Variants in DLGAP2 observed in about 807,000 individuals in gnomAD.
DLGAP2 encodes the protein disks large-associated protein 2.
Under a neutral mutation model 100.3 loss-of-function variants are expected in DLGAP2, and 26 were observed. The observed-to-expected ratio is 0.26, with a 90% CI of 0.19 to 0.36. DLGAP2 has a LOEUF of 0.36. Ranked by LOEUF, DLGAP2 falls within the 10% of genes least tolerant of loss-of-function variation. The pLI, the probability that DLGAP2 is intolerant of heterozygous loss-of-function variation, is 1.00. For missense variants in DLGAP2, 1,858 were observed against 1,453.2 expected (o/e 1.28, Z -4.53); for synonymous variants, 886 against 630.1 (o/e 1.41, Z -6.08).
chr8:1,025,887 G>C (rs933047472), intron 2 of DLGAP2, among the ~76,000 whole-genome samples: 1 of 152,152 alleles, frequency 6.6e-6, no homozygotes, highest in Non-Finnish European at 1.5e-5. Context: ...TACAAAGTGA[G>C]GGACAGGGAC....
intron 1 of DLGAP2, among the ~76,000 whole-genome samples, chr8:848,884 C>A (rs76348245): frequency 0.069 from 6,761 of 97,340 alleles, 129 homozygotes; most frequent in East Asian, 0.15. Flanking sequence ...TCTGTTCCAG[C>A]ATAGGAACGC....
In DLGAP2 at chr8:1,349,095, A is replaced by G. The variant is rs1351569547; in HGVS notation, c.106+90212A>G. Among the ~76,000 whole-genome samples, 3 of 151,616 alleles carry G rather than the reference A, an allele frequency of 2.0e-5. No individual in the cohort carries two copies. In the South Asian group the frequency reaches 6.4e-4, roughly 32 times the overall value. On this transcript the variant is annotated intron_variant, in intron 3 of 14. Coordinates refer to ENST00000637795, the MANE Select transcript of DLGAP2 (RefSeq NM_001346810.2). ...GTCACCTCAGCAGTGTGCTGCTCAG[A>G]GAGTGCTGCCGTTTTTAAGGGGCCA...
chr8:1,355,041 G>A (rs1034160778), intron 3 of DLGAP2, among the ~76,000 whole-genome samples: 1 of 151,756 alleles, frequency 6.6e-6, no homozygotes, highest in Non-Finnish European at 1.5e-5. Context: ...GGATGAGGGT[G>A]GAAAGTCACG....
chr8:1,092,714 G>A (rs1057210592), intron 2 of DLGAP2, among the ~76,000 whole-genome samples: 3 of 152,190 alleles, frequency 2.0e-5, no homozygotes, highest in Non-Finnish European at 4.4e-5. Context: ...TGAAGCCAGA[G>A]AGGAACCTGA....
chr8:1,158,672 T>C, intron 2 of DLGAP2, among the ~76,000 whole-genome samples: 1 of 152,356 alleles, frequency 6.6e-6, no homozygotes, highest in East Asian at 1.9e-4. Flanking sequence ...ACTCTGTGTT[T>C]AGTGAGTGAC....
intron 2 of DLGAP2, among the ~76,000 whole-genome samples, chr8:1,060,466 G>A (rs1305049966): frequency 3.3e-5 from 5 of 150,810 alleles, no homozygotes; most frequent in African/African-American, 7.5e-5. Context: ...GCGCGTCACC[G>A]ACCCCTGCCC....
chr8:914,467 T>C (rs974471681), intron 2 of DLGAP2, among the ~76,000 whole-genome samples: 1 of 152,138 alleles, frequency 6.6e-6, no homozygotes, highest in Non-Finnish European at 1.5e-5. Context: ...TGTGGATCAA[T>C]AGTGTTGGGA....
chr8:1,434,600 C>A (rs915477026), intron 3 of DLGAP2, among the ~76,000 whole-genome samples: 1 of 152,282 alleles, frequency 6.6e-6, no homozygotes, highest in East Asian at 1.9e-4. Context: ...CTTCAAGTTC[C>A]CGAGTAGCTG....
chr8:1,675,706 C>G (rs1348551201), intron 10 of DLGAP2, among the ~76,000 whole-genome samples: 1 of 152,066 alleles, frequency 6.6e-6, no homozygotes, highest in Non-Finnish European at 1.5e-5. Flanking sequence ...AGAGAGGGCT[C>G]AAAAGTCCTT....
intron 3 of DLGAP2, among the ~76,000 whole-genome samples, chr8:1,480,479 G>A (rs1288724900): frequency 6.6e-6 from 1 of 152,160 alleles, no homozygotes; most frequent in Admixed American, 6.5e-5. Flanking sequence ...TGAAGCAAAC[G>A]CACGGCTGGC....
chr8:951,636 C>G (rs1336101881), intron 2 of DLGAP2, among the ~76,000 whole-genome samples: 3 of 152,172 alleles, frequency 2.0e-5, no homozygotes, highest in Non-Finnish European at 4.4e-5. Context: ...TTCATGCTCA[C>G]TATTTTTAAT....
At chr8:973,426 T>C (rs563765834) in intron 2 of DLGAP2, among the ~76,000 whole-genome samples, 1 of 151,360 alleles carries the variant, frequency 6.6e-6, no homozygotes, top group African/African-American at 2.4e-5. Context: ...GCTCCTCACC[T>C]CCCAGACGGG....
intron 2 of DLGAP2, among the ~76,000 whole-genome samples, chr8:1,053,503 G>A (rs1802783918): frequency 6.6e-6 from 1 of 152,074 alleles, no homozygotes; most frequent in Non-Finnish European, 1.5e-5. Context: ...CGAGGCCAGG[G>A]GTTTTGAAAC....
chr8:878,511 G>A (rs553682457), intron 1 of DLGAP2, among the ~76,000 whole-genome samples: 1 of 152,158 alleles, frequency 6.6e-6, no homozygotes, highest in Non-Finnish European at 1.5e-5. Context: ...AGGAAAATGG[G>A]TTAGGATTTC....
intron 3 of DLGAP2, among the ~76,000 whole-genome samples, chr8:1,430,885 A>T (rs1797409004): frequency 6.6e-6 from 1 of 152,238 alleles, no homozygotes; most frequent in South Asian, 2.1e-4. Flanking sequence ...GGCAATAATG[A>T]ATGAATAATG....
chr8:1,211,726 T>C (rs925267462), intron 2 of DLGAP2, among the ~76,000 whole-genome samples: 10 of 152,068 alleles, frequency 6.6e-5, no homozygotes, highest in African/African-American at 2.4e-4. Context: ...AAATACAAAA[T>C]TAGCCAGGCG....
At chr8:839,979 C>T (rs145107289) in intron 1 of DLGAP2, among the ~76,000 whole-genome samples, 84 of 150,954 alleles carry the variant, frequency 5.6e-4, no homozygotes, top group African/African-American at 2.0e-3. Flanking sequence ...TGTGTGAGCG[C>T]GTCCACACGG....
intron 6 of DLGAP2, among the ~76,000 whole-genome samples, chr8:1,575,106 G>A (rs1454355678): frequency 6.6e-6 from 1 of 152,134 alleles, no homozygotes; most frequent in Non-Finnish European, 1.5e-5. Context: ...CATCACAGAC[G>A]ACAGAGTTTC....
intron 3 of DLGAP2, among the ~76,000 whole-genome samples, chr8:1,293,916 T>C (rs1472810055): frequency 6.6e-6 from 1 of 152,242 alleles, no homozygotes; most frequent in Non-Finnish European, 1.5e-5. Context: ...CTAAAGCTGA[T>C]TGATTTTCAT....
Sources: allele counts gnomAD v4.1 joint callset (sites outside exome capture counted in the v4.1 genomes callset), GRCh38; gene constraint gnomAD v4.1.1; transcripts MANE v1.5; gene names NCBI Gene and HGNC (gene_info 2026-07-23, HGNC 2026-07-21).